The following SEMA3A variants were observed in gnomAD, a reference collection of about 807,000 sequenced individuals.
The protein encoded by SEMA3A is semaphorin 3A, also known as semaphorin-3A.
In SEMA3A, 29 loss-of-function variants were observed where a neutral mutation model predicts 97.9. The ratio of observed to expected loss-of-function variants is 0.30; its 90% CI spans 0.22 to 0.40. SEMA3A has a LOEUF of 0.40. Among genes scored for constraint, SEMA3A ranks in the 10% least tolerant of loss-of-function variants. The pLI is 1.00. For missense variants in SEMA3A, 763 were observed against 951.3 expected (o/e 0.80, Z 2.60); for synonymous variants, 321 against 323.7 (o/e 0.99, Z 0.09).
upstream of SEMA3A, among the ~76,000 whole-genome samples, chr7:84,197,730 CTTTTTTTTTTT>C (rs139403623): frequency 4.3e-5 from 3 of 69,358 alleles, no homozygotes; most frequent in Non-Finnish European, 7.8e-5. Context: ...AAAGATCACT[CTTTTTTTTTTT>C]TTTTTTTTTT....
intron 4 of SEMA3A, among the ~76,000 whole-genome samples, chr7:84,088,945 A>G (rs970766129): frequency 2.0e-5 from 3 of 151,330 alleles, no homozygotes; most frequent in African/African-American, 7.3e-5. Context: ...ACAGTGAGGG[A>G]GGGGGTTTTA....
At chr7:84,176,789 C>T (rs945243140) in intron 1 of SEMA3A, among the ~76,000 whole-genome samples, 1 of 152,060 alleles carries the variant, frequency 6.6e-6, no homozygotes, top group Non-Finnish European at 1.5e-5. Flanking sequence ...GTAAATACTT[C>T]CAACAATTCA....
At chr7:84,038,896 T>C (rs1464678854) in intron 6 of SEMA3A, among the ~76,000 whole-genome samples, 3 of 152,148 alleles carry the variant, frequency 2.0e-5, no homozygotes, top group African/African-American at 7.2e-5. Context: ...TAAAACACAA[T>C]GTGTTTTATG....
At chr7:84,081,057 G>T (rs1436688147) in intron 4 of SEMA3A, among the ~76,000 whole-genome samples, 1 of 151,900 alleles carries the variant, frequency 6.6e-6, no homozygotes, top group Non-Finnish European at 1.5e-5. Context: ...AACAATGCAA[G>T]AGGTTTAAAT....
chr7:84,206,851 G>A (rs898231669), intron 3 of SEMA3A, among the ~76,000 whole-genome samples: 3 of 151,372 alleles, frequency 2.0e-5, no homozygotes, highest in South Asian at 2.1e-4. Flanking sequence ...AAAAAAAAAT[G>A]AGTAAGATAT....
At chr7:84,403,578 A>G (rs1448432652) in intron 1 of SEMA3A, among the ~76,000 whole-genome samples, 2 of 152,190 alleles carry the variant, frequency 1.3e-5, no homozygotes, top group Non-Finnish European at 2.9e-5. Flanking sequence ...TTGAGATCTG[A>G]GAACGGGCAG....
chr7:84,422,090 G>T (rs1804611016), intron 1 of SEMA3A, among the ~76,000 whole-genome samples: 1 of 152,008 alleles, frequency 6.6e-6, no homozygotes, highest in African/African-American at 2.4e-5. Flanking sequence ...CACAGTGAAT[G>T]GTACCAGCTC....
intron 3 of SEMA3A, among the ~76,000 whole-genome samples, chr7:84,243,195 A>G (rs1264352651): frequency 2.0e-5 from 3 of 151,886 alleles, no homozygotes; most frequent in Non-Finnish European, 4.4e-5. Context: ...CTCTTTTTCT[A>G]TTGCTTGGAG....
At chr7:84,066,598 A>C (rs1286067840) in intron 4 of SEMA3A, among the ~76,000 whole-genome samples, 4 of 149,526 alleles carry the variant, frequency 2.7e-5, no homozygotes, top group African/African-American at 1.0e-4. Context: ...TCAATGTACA[A>C]AAATCACAAG....
At chr7:84,363,970 G>A (rs1802784911) in intron 2 of SEMA3A, among the ~76,000 whole-genome samples, 2 of 151,746 alleles carry the variant, frequency 1.3e-5, no homozygotes, top group Non-Finnish European at 2.9e-5. Flanking sequence ...GCAGATGCAG[G>A]TATGAGAACC....
At chr7:84,194,281 G>A (rs1022635648) in intron 1 of SEMA3A, among the ~76,000 whole-genome samples, 194 bp downstream of exon 1, 1 of 152,028 alleles carries the variant, frequency 6.6e-6, no homozygotes, top group Non-Finnish European at 1.5e-5. Context: ...TTGCATTTAA[G>A]TTGTCATATA....
intron 1 of SEMA3A, among the ~76,000 whole-genome samples, chr7:84,442,894 G>T (rs1005422256): frequency 5.3e-5 from 8 of 152,028 alleles, no homozygotes; most frequent in Non-Finnish European, 1.0e-4. Flanking sequence ...TTATGTTGAT[G>T]AAAGTTTCAA....
At chr7:84,112,463 T>C (rs926273657) in intron 3 of SEMA3A, among the ~76,000 whole-genome samples, 1 of 152,208 alleles carries the variant, frequency 6.6e-6, no homozygotes, top group Non-Finnish European at 1.5e-5. Context: ...TTTTCAGTCC[T>C]GTCAGTATCA....
At chr7:84,251,134 A>G (rs1433736266) in intron 3 of SEMA3A, among the ~76,000 whole-genome samples, 1 of 152,224 alleles carries the variant, frequency 6.6e-6, no homozygotes, top group Non-Finnish European at 1.5e-5. Context: ...AAGGTATGTC[A>G]AATTTCAACA....
chr7:84,279,585 G>C (rs895201573), intron 3 of SEMA3A, among the ~76,000 whole-genome samples: 3 of 152,128 alleles, frequency 2.0e-5, no homozygotes, highest in Non-Finnish European at 4.4e-5. Context: ...AATTGCCTGG[G>C]ACAATGGGCA....
intron 6 of SEMA3A, among the ~76,000 whole-genome samples, chr7:84,019,442 A>C (rs1467546727): frequency 1.3e-5 from 2 of 152,088 alleles, no homozygotes; most frequent in Non-Finnish European, 2.9e-5. Context: ...GAAAAGTAGA[A>C]AGGATTCTCA....
At chr7:84,011,819 T>TA (rs1266024963) in intron 7 of SEMA3A, among the ~76,000 whole-genome samples, 1 of 152,152 alleles carries the variant, frequency 6.6e-6, no homozygotes, top group Non-Finnish European at 1.5e-5. Context: ...GATTTAATTA[T>TA]TACACATTAT....
chr7:84,110,633 G>A (rs772499827), intron 3 of SEMA3A, 44 bp from the exon 4 acceptor site: 2 of 1,610,960 alleles, frequency 1.2e-6, no homozygotes, highest in Non-Finnish European at 1.7e-6. Context: ...CAATCAGCAT[G>A]ACTGAGGTAT....
intron 15 of SEMA3A, among the ~76,000 whole-genome samples, chr7:83,967,448 G>A (rs181824548): frequency 1.2e-4 from 19 of 152,050 alleles, no homozygotes; most frequent in Non-Finnish European, 2.2e-4. Flanking sequence ...ACTTTTTCTT[G>A]GGATGTCAAA....
Sources: allele counts gnomAD v4.1 joint callset (sites outside exome capture counted in the v4.1 genomes callset), GRCh38; gene constraint gnomAD v4.1.1; transcripts MANE v1.5; gene names NCBI Gene and HGNC (gene_info 2026-07-23, HGNC 2026-07-21).